The following MECOM variants were observed in gnomAD, a reference collection of about 807,000 sequenced individuals.
MECOM encodes histone-lysine N-methyltransferase MECOM.
MECOM carries 13 observed loss-of-function variants against 116.3 expected under a neutral mutation model. That is an observed-to-expected ratio of 0.11 (90% CI 0.07 to 0.18). The LOEUF is 0.18. MECOM is among the 10% of genes least tolerant of loss of function. The probability of loss-of-function intolerance (pLI) is 1.00; values close to 1 mark genes in which losing one functional copy is unlikely to be tolerated. For missense variants in MECOM, 1,299 were observed against 1,509.0 expected (o/e 0.86, Z 2.31); for synonymous variants, 528 against 535.2 (o/e 0.99, Z 0.19).
chr3:169,418,377 G>A lies in MECOM; in HGVS notation c.38-36853C>T, dbSNP rs540246364. ...CTATTCCAAACAATAGAAAAAGAGG[G>A]ACTCCTCCCTAACTCATTTTACGAG... On this transcript the variant is annotated intron_variant, in intron 1 of 16. Transcript: ENST00000651503. 6.6e-5 allele frequency among the ~76,000 whole-genome samples: 10 copies of A among 152,112 alleles called. No homozygotes were observed. In the South Asian group the frequency reaches 2.1e-3, roughly 32 times the overall value.
intron 2 of MECOM, among the ~76,000 whole-genome samples, chr3:169,324,558 A>G (rs538431116): frequency 6.6e-6 from 1 of 152,242 alleles, no homozygotes; most frequent in Admixed American, 6.5e-5. Flanking sequence ...TTATTTGACA[A>G]AGGAACAAAC....
At chr3:169,604,546 G>A (rs1768266003) in intron 1 of MECOM, among the ~76,000 whole-genome samples, 2 of 152,222 alleles carry the variant, frequency 1.3e-5, no homozygotes, top group Admixed American at 1.3e-4. Context: ...CTGGACTTGT[G>A]CAGGGAAGAG....
intron 2 of MECOM, among the ~76,000 whole-genome samples, chr3:169,225,245 T>G (rs531613289): frequency 5.9e-5 from 9 of 152,276 alleles, no homozygotes; most frequent in Non-Finnish European, 1.2e-4. Flanking sequence ...TAAATACAAG[T>G]GGAGAGCTAT....
intron 1 of MECOM, among the ~76,000 whole-genome samples, chr3:169,418,387 T>G (rs1002236288): frequency 6.6e-6 from 1 of 152,146 alleles, no homozygotes; most frequent in African/African-American, 2.4e-5. Flanking sequence ...GACTCCTCCC[T>G]AACTCATTTT....
At chr3:169,382,849 C>CAAAAAAAAAA (rs1157852145) in intron 1 of MECOM, among the ~76,000 whole-genome samples, 12 of 47,156 alleles carry the variant, frequency 2.5e-4, no homozygotes, top group African/African-American at 9.8e-4. Context: ...AAGCCCATCT[C>CAAAAAAAAAA]AAAAAAAAAA....
chr3:169,579,525 T>C (rs1294273739), intron 1 of MECOM, among the ~76,000 whole-genome samples: 4 of 152,238 alleles, frequency 2.6e-5, no homozygotes, highest in South Asian at 2.1e-4. Flanking sequence ...AGGGAGCCCC[T>C]AGGCCAAGGG....
intron 1 of MECOM, among the ~76,000 whole-genome samples, chr3:169,558,252 T>G (rs1432883528): frequency 1.3e-5 from 2 of 152,212 alleles, no homozygotes; most frequent in African/African-American, 4.8e-5. Flanking sequence ...TTGTTTCTTA[T>G]TATTTTGCAG....
chr3:169,335,117 T>C (rs1723386695), intron 2 of MECOM, among the ~76,000 whole-genome samples: 1 of 152,170 alleles, frequency 6.6e-6, no homozygotes. Flanking sequence ...GCTATCATTC[T>C]ATTTTTCACT....
At chr3:169,333,088 T>G (rs971946054) in intron 2 of MECOM, among the ~76,000 whole-genome samples, 2 of 152,242 alleles carry the variant, frequency 1.3e-5, no homozygotes, top group Admixed American at 6.5e-5. Context: ...TTTTCCTTTA[T>G]GTCTGACCAC....
chr3:169,547,048 T>C (rs558303734), intron 1 of MECOM, among the ~76,000 whole-genome samples: 16 of 152,226 alleles, frequency 1.1e-4, no homozygotes, highest in Non-Finnish European at 1.8e-4. Flanking sequence ...CTACCTGATA[T>C]AGTTTGACTC....
intron 2 of MECOM, among the ~76,000 whole-genome samples, chr3:169,268,748 T>G (rs910896389): frequency 2.0e-5 from 3 of 152,326 alleles, no homozygotes; most frequent in Admixed American, 2.0e-4. Context: ...ATGCCAGTAG[T>G]ATGTAGACGT....
At chr3:169,464,511 T>A (rs1747974235) in intron 1 of MECOM, among the ~76,000 whole-genome samples, 1 of 151,878 alleles carries the variant, frequency 6.6e-6, no homozygotes, top group Non-Finnish European at 1.5e-5. Context: ...ATTCATTGCT[T>A]ATTACTTTTA....
chr3:169,408,370 C>T (rs972079793), intron 1 of MECOM, among the ~76,000 whole-genome samples: 1 of 152,154 alleles, frequency 6.6e-6, no homozygotes, highest in Non-Finnish European at 1.5e-5. Flanking sequence ...AATCGACATG[C>T]GAGGTAGGAA....
intron 2 of MECOM, among the ~76,000 whole-genome samples, chr3:169,223,823 G>C (rs892069898): frequency 1.3e-5 from 2 of 152,176 alleles, no homozygotes; most frequent in Middle Eastern, 3.2e-3. Context: ...CATCTCCTCT[G>C]ATTTGGACCG....
intron 1 of MECOM, among the ~76,000 whole-genome samples, chr3:169,599,407 G>A (rs557557808): frequency 1.8e-4 from 28 of 151,926 alleles, no homozygotes; most frequent in Admixed American, 1.8e-3. Flanking sequence ...CCAGCTACTC[G>A]GGAGGCTGAG....
At chr3:169,387,612 A>G (rs777282309) in intron 1 of MECOM, among the ~76,000 whole-genome samples, 30 of 152,234 alleles carry the variant, frequency 2.0e-4, no homozygotes, top group Non-Finnish European at 3.8e-4. Flanking sequence ...TATTAAGAGC[A>G]TATATACATA....
chr3:169,452,224 T>C (rs1745732213), intron 1 of MECOM, among the ~76,000 whole-genome samples: 1 of 151,974 alleles, frequency 6.6e-6, no homozygotes, highest in Non-Finnish European at 1.5e-5. Context: ...GCTGATTTCT[T>C]TGAAAGGCCA....
chr3:169,446,751 A>T (rs557367315), intron 1 of MECOM, among the ~76,000 whole-genome samples: 1 of 152,294 alleles, frequency 6.6e-6, no homozygotes, highest in African/African-American at 2.4e-5. Context: ...AGACTGAGAG[A>T]GCTTCTCATG....
chr3:169,098,774 T>C (rs1255271827), intron 12 of MECOM, among the ~76,000 whole-genome samples: 1 of 152,126 alleles, frequency 6.6e-6, no homozygotes, highest in Non-Finnish European at 1.5e-5. Flanking sequence ...GTGGTCCTCC[T>C]GCCCCAGCCT....
Sources: gnomAD v4.1 joint callset for allele counts (sites outside exome capture counted in the v4.1 genomes callset) on GRCh38, gnomAD v4.1.1 for gene constraint, MANE v1.5 for transcripts, NCBI Gene and HGNC (gene_info 2026-07-23, HGNC 2026-07-21) for gene names.